DOCK2: variants seen among roughly 807,000 people sequenced by gnomAD.
DOCK2 encodes the protein dedicator of cytokinesis 2, also known as dedicator of cytokinesis protein 2.
In DOCK2, 87 loss-of-function variants were observed where a neutral mutation model predicts 248.9. The observed-to-expected ratio is 0.35, with a 90% CI of 0.29 to 0.42. The LOEUF (loss-of-function observed/expected upper bound fraction) is 0.42, where lower values mean the gene tolerates loss of function less well. DOCK2 is among the 10% of genes least tolerant of loss of function. DOCK2 has a pLI of 1.00. For synonymous variants in DOCK2, 805 were observed against 821.6 expected (o/e 0.98, Z 0.35); for missense variants, 1,747 against 2,300.2 (o/e 0.76, Z 4.92).
chr5:169,641,048 A>G (rs1321941865), intron 1 of DOCK2, among the ~76,000 whole-genome samples: 1 of 152,232 alleles, frequency 6.6e-6, no homozygotes, highest in Non-Finnish European at 1.5e-5. Context: ...TCCTTGGCTT[A>G]CAAAAGCGTT....
At position 169,894,781 on chromosome 5, in the gene DOCK2, C is replaced by CT. The variant is rs563689883; in HGVS notation, c.2799+53930dup. Reference sequence around the variant, plus strand: ...TCTTTACCATGGTTACCATTATGCACTGGGCCCCAGGTTACACAGAGACGG... The same window carrying CT: ...TCTTTACCATGGTTACCATTATGCACTTGGGCCCCAGGTTACACAGAGACGG... On this transcript the variant is annotated intron_variant, in intron 27 of 51. Transcript: ENST00000520908. 2.8e-3 allele frequency among the ~76,000 whole-genome samples: 426 copies of CT among 152,304 alleles called. 1 individual carries two copies. Among genetic ancestry groups the CT allele is most frequent in the Admixed American group, 6.9e-3 (105 of 15,306 alleles).
At chr5:170,026,806 T>C (rs1755933369) in intron 33 of DOCK2, among the ~76,000 whole-genome samples, 1 of 152,234 alleles carries the variant, frequency 6.6e-6, no homozygotes, top group South Asian at 2.1e-4. Context: ...GGATACTTGC[T>C]TTCTGATCAC....
Position 170,050,323 on chromosome 5 carries a change from C to G in DOCK2, c.4139C>G (p.Thr1380Ser). Residue 1380 changes from threonine (T) to serine (S), a missense_variant, in exon 41 of 52, where the codon ACC (threonine) becomes AGC (serine). Thr to Ser is a moderately conservative substitution (Grantham distance 58). Around this residue, in one of 4 missense-constraint regions of DOCK2, gnomAD observed 513 missense variants for 586.1 expected, o/e 0.88. Coordinates refer to ENST00000520908, the MANE Select transcript of DOCK2 (RefSeq NM_004946.3). ...RREDFQMQLM[T>S]QFPNAEKMNT... ...GAAGATTTCCAGATGCAGCTGATGA[C>G]CCAGTTCCCCAATGCAGAGAAGATG... 6.2e-7 allele frequency: 1 copy of G among 1,614,178 alleles called. No individual in the cohort carries two copies. The highest frequency in any genetic ancestry group is 8.5e-7 in the Non-Finnish European group (1 of 1,180,024).
chr5:169,723,624 C>CTCCT (rs1299825459), intron 22 of DOCK2, among the ~76,000 whole-genome samples: 1 of 152,160 alleles, frequency 6.6e-6, no homozygotes, highest in Non-Finnish European at 1.5e-5. Context: ...GTGGCTCAAG[C>CTCCT]TCCTTCCTTC....
intron 27 of DOCK2, among the ~76,000 whole-genome samples, chr5:169,887,859 A>G (rs1438319038): frequency 6.6e-6 from 1 of 152,188 alleles, no homozygotes; most frequent in East Asian, 1.9e-4. Context: ...TTACTGCATG[A>G]GAAGGTCTTT....
chr5:169,933,343 C>T (rs1561835245), intron 27 of DOCK2, among the ~76,000 whole-genome samples: 1 of 152,162 alleles, frequency 6.6e-6, no homozygotes, highest in Admixed American at 6.5e-5. Flanking sequence ...TACCGGTGCC[C>T]CACCCCTAAG....
chr5:169,819,656 G>A (rs571446609), intron 26 of DOCK2, among the ~76,000 whole-genome samples: 2 of 152,272 alleles, frequency 1.3e-5, no homozygotes, highest in African/African-American at 4.8e-5. Context: ...CAAGATAGCC[G>A]AATAGGAACA....
intron 2 of DOCK2, among the ~76,000 whole-genome samples, chr5:169,658,357 G>A (rs2113207863): frequency 6.6e-6 from 1 of 151,736 alleles, no homozygotes; most frequent in Admixed American, 6.6e-5. Context: ...GCAGGTGCCT[G>A]TAGTCCCAGC....
intron 23 of DOCK2, among the ~76,000 whole-genome samples, chr5:169,748,119 A>G (rs1763711322): frequency 6.6e-6 from 1 of 151,050 alleles, no homozygotes. Flanking sequence ...GAATAAACGA[A>G]GCCCAAACAC....
chr5:170,070,456 C>A (rs1217889368), intron 46 of DOCK2, among the ~76,000 whole-genome samples: 1 of 152,212 alleles, frequency 6.6e-6, no homozygotes, highest in African/African-American at 2.4e-5. Flanking sequence ...GCGCTTTTCC[C>A]GAATGCATGT....
chr5:169,654,428 A>T lies in DOCK2; in HGVS notation c.69A>T (p.Gly23=). Residue 23 remains glycine, a synonymous_variant, in exon 2 of 52, where the codon GGA becomes GGT. Transcript: ENST00000520908. ...CCATATACAACTTCCAAGGCAGCGG[A>T]GCCCCCCAGCTCTCCCTGCAGATCG... ...GVAIYNFQGS[G]APQLSLQIGD... 1 of 1,614,178 alleles carries T rather than the reference A, an allele frequency of 6.2e-7. No homozygotes were observed. Among genetic ancestry groups the T allele is most frequent in the Non-Finnish European group, 8.5e-7 (1 of 1,180,028 alleles).
chr5:169,790,121 G>C (rs1272678289), intron 25 of DOCK2, among the ~76,000 whole-genome samples: 1 of 152,152 alleles, frequency 6.6e-6, no homozygotes, highest in Non-Finnish European at 1.5e-5. Context: ...TTTTGCTAAT[G>C]CTTGAATCCA....
At position 170,008,523 on chromosome 5, in the gene DOCK2, A is replaced by G. The variant is rs758385723; in HGVS notation, c.3099A>G (p.Ala1033=). 1 of 1,614,106 alleles carries G rather than the reference A, an allele frequency of 6.2e-7. No individual in the cohort carries two copies. The highest frequency in any genetic ancestry group is 1.3e-5 in the African/African-American group (1 of 75,044). Residue 1033 remains alanine (A), a synonymous_variant, in exon 31 of 52, where the codon GCA becomes GCG. Coordinates refer to ENST00000520908, the MANE Select transcript of DOCK2 (RefSeq NM_004946.3). ...TGTGGAACAACTATTTTCATCTGGC[A>G]GTGGCTTTTATCACCCAGGATTCTC... is the stretch of plus-strand genomic sequence containing the variant. ...FQLWNNYFHL[A]VAFITQDSLQ...
intron 23 of DOCK2, among the ~76,000 whole-genome samples, chr5:169,748,444 G>T (rs1479664000): frequency 6.6e-6 from 1 of 152,176 alleles, no homozygotes. Context: ...GTGTGACCCA[G>T]GCCAGGGGAT....
chr5:169,653,190 T>G (rs1203199895), intron 1 of DOCK2, among the ~76,000 whole-genome samples: 1 of 152,196 alleles, frequency 6.6e-6, no homozygotes, highest in African/African-American at 2.4e-5. Flanking sequence ...GGGATATAAG[T>G]GATTGCTACA....
chr5:169,700,898 G>A (rs1275749034), intron 13 of DOCK2, among the ~76,000 whole-genome samples: 1 of 149,614 alleles, frequency 6.7e-6, no homozygotes, highest in South Asian at 2.1e-4. Context: ...GAGAGAGAGA[G>A]AGAAAGAAAG....
At chr5:169,984,760 A>G (rs1778023612) in intron 28 of DOCK2, among the ~76,000 whole-genome samples, 1 of 152,158 alleles carries the variant, frequency 6.6e-6, no homozygotes, top group Non-Finnish European at 1.5e-5. Context: ...TTCTGCTGTT[A>G]AAATAATTTG....
intron 26 of DOCK2, among the ~76,000 whole-genome samples, chr5:169,827,545 G>A (rs957513921): frequency 6.6e-6 from 1 of 152,244 alleles, no homozygotes; most frequent in Non-Finnish European, 1.5e-5. Flanking sequence ...TCACCAGCTT[G>A]TTGGGGAAGG....
At chr5:169,894,972 G>C (rs1446411804) in intron 27 of DOCK2, among the ~76,000 whole-genome samples, 1 of 152,118 alleles carries the variant, frequency 6.6e-6, no homozygotes, top group Non-Finnish European at 1.5e-5. Flanking sequence ...ATTTCTTAAG[G>C]GGCCAAGAAC....
Sources: allele counts gnomAD v4.1 joint callset (sites outside exome capture counted in the v4.1 genomes callset), GRCh38; gene constraint gnomAD v4.1.1; regional missense constraint gnomAD v4.1.1; transcripts MANE v1.5; gene names NCBI Gene and HGNC (gene_info 2026-07-23, HGNC 2026-07-21).